ZNF718: variants seen among roughly 807,000 people sequenced by gnomAD.
ZNF718 encodes zinc finger protein 718.
In ZNF718, 3 loss-of-function variants were observed where a neutral mutation model predicts 2.6. The observed-to-expected ratio is 1.16, with a 90% confidence interval of 0.53 to 3.01. The LOEUF (loss-of-function observed/expected upper bound fraction) is 3.01. Among genes scored for constraint, ZNF718 ranks in the 30% most tolerant of loss-of-function variants. The pLI, the probability that ZNF718 is intolerant of heterozygous loss-of-function variation, is 0.03. For missense variants in ZNF718, 468 were observed against 230.0 expected (o/e 2.03, Z -6.69); for synonymous variants, 135 against 77.9 (o/e 1.73, Z -3.86).
downstream of ZNF718, among the ~76,000 whole-genome samples, chr4:166,077 A>G (rs1048882344): frequency 1.3e-5 from 2 of 151,924 alleles, no homozygotes; most frequent in African/African-American, 4.8e-5. Context: ...TTCAATTCCC[A>G]CCTATGAGTG....
In ZNF718 at chr4:158,468, G is replaced by C. The variant is rs367604018; in HGVS notation, c.227-2444G>C. On this transcript the variant is annotated intron_variant, in intron 3 of 3. Coordinates refer to ENST00000510175, the MANE Select transcript of ZNF718 (RefSeq NM_001039127.6). ...TTATTTTCTGTCTTTGTGTCTTTTT[G>C]ATTTTTGTATTGATAGGCCCTTACT... is the stretch of plus-strand genomic sequence containing the variant. Among the ~76,000 whole-genome samples, 7 of 136,936 alleles carry C rather than the reference G, an allele frequency of 5.1e-5. No individual in the cohort carries two copies. In the East Asian group the frequency reaches 1.3e-3, roughly 25 times the overall value. The allele number at this position is 136,936 out of a possible 152,430, so 89.8% of individuals were successfully genotyped here. A position where few individuals can be genotyped will look rare whatever the true frequency, so the allele number is the denominator to read the frequency against.
At chr4:129,428 C>G (rs1382689852) in intron 1 of ZNF718, among the ~76,000 whole-genome samples, 1 of 104,072 alleles carries the variant, frequency 9.6e-6, no homozygotes. Context: ...GGTCTTACCC[C>G]ACACTGAAAT....
At chr4:149,182 T>A (rs968860289) in intron 3 of ZNF718, among the ~76,000 whole-genome samples, 1 of 152,246 alleles carries the variant, frequency 6.6e-6, no homozygotes, top group South Asian at 2.1e-4. Context: ...TGATTTCAAA[T>A]TCAAAATTTC....
At chr4:182,320 A>G (rs1236137024) in intron 3 of ZNF718, among the ~76,000 whole-genome samples, 1 of 152,078 alleles carries the variant, frequency 6.6e-6, no homozygotes, top group African/African-American at 2.4e-5. Flanking sequence ...CAACCTTACC[A>G]GCATCTGTTG....
chr4:138,104 T>G lies in ZNF718; in HGVS notation c.226+6599T>G, dbSNP rs28854863. ...AAAATCATATCAGGGTAAATGGGTATTCATTACCTCAAGTGTTTATTCTTT... is the reference window on the plus strand; with the variant it reads ...AAAATCATATCAGGGTAAATGGGTAGTCATTACCTCAAGTGTTTATTCTTT... On this transcript the variant is annotated intron_variant, in intron 3 of 3. Coordinates refer to ENST00000510175, the MANE Select transcript of ZNF718 (RefSeq NM_001039127.6). Among the ~76,000 whole-genome samples, 1,454 of 152,344 alleles carry G rather than the reference T, an allele frequency of 9.5e-3. 26 individuals carry two copies. The highest frequency in any genetic ancestry group is 0.033 in the African/African-American group (1,378 of 41,576).
intron 3 of ZNF718, among the ~76,000 whole-genome samples, chr4:151,160 T>C (rs1224239089): frequency 6.6e-6 from 1 of 152,204 alleles, no homozygotes; most frequent in Non-Finnish European, 1.5e-5. Flanking sequence ...TGGAGTGTAG[T>C]GGTGTGATCT....
chr4:171,016 G>A (rs556511489), intron 3 of ZNF718, among the ~76,000 whole-genome samples: 2 of 152,252 alleles, frequency 1.3e-5, no homozygotes, highest in African/African-American at 4.8e-5. Context: ...ATGTACAGAT[G>A]GGGTTTTGGT....
At chr4:175,247 G>C (rs1163729089) in intron 3 of ZNF718, among the ~76,000 whole-genome samples, 2 of 152,194 alleles carry the variant, frequency 1.3e-5, no homozygotes, top group African/African-American at 4.8e-5. Flanking sequence ...TTAAAATCTG[G>C]AGAGATGGGT....
At chr4:138,768 T>G (rs918012285) in intron 3 of ZNF718, among the ~76,000 whole-genome samples, 1 of 152,168 alleles carries the variant, frequency 6.6e-6, no homozygotes, top group African/African-American at 2.4e-5. Flanking sequence ...AGTTCAACTT[T>G]CACTTTTCTC....
intron 3 of ZNF718, among the ~76,000 whole-genome samples, chr4:149,097 C>G (rs1458464145): frequency 1.3e-5 from 2 of 152,096 alleles, no homozygotes; most frequent in Non-Finnish European, 2.9e-5. Flanking sequence ...GGGTAGAGAA[C>G]CTCCTATTCT....
intron 3 of ZNF718, among the ~76,000 whole-genome samples, chr4:189,104 A>C (rs1717639750): frequency 7.4e-6 from 1 of 136,002 alleles, no homozygotes; most frequent in African/African-American, 2.8e-5. Flanking sequence ...CTTGTCACCC[A>C]GGCTGGAGTG....
chr4:181,134 A>ACAGGCCTGTGCCCCAGT (rs1717454229), intron 3 of ZNF718, among the ~76,000 whole-genome samples: 3 of 146,174 alleles, frequency 2.1e-5, no homozygotes, highest in African/African-American at 7.6e-5. Context: ...AGCTGGGACT[A>ACAGGCCTGTGCCCCAGT]CAGGCCTGTG....
intron 3 of ZNF718, among the ~76,000 whole-genome samples, chr4:173,534 C>T (rs1335583425): frequency 2.0e-5 from 3 of 152,148 alleles, no homozygotes; most frequent in African/African-American, 7.2e-5. Context: ...CCAATAGTTA[C>T]TATTTATACA....
chr4:152,796 T>A (rs1351461033), intron 3 of ZNF718, among the ~76,000 whole-genome samples: 1 of 152,076 alleles, frequency 6.6e-6, no homozygotes, highest in Non-Finnish European at 1.5e-5. Flanking sequence ...GTTATTTTTG[T>A]TTTAAGTTTG....
intron 3 of ZNF718, among the ~76,000 whole-genome samples, chr4:169,571 A>C (rs1296019886): frequency 2.0e-5 from 3 of 152,122 alleles, no homozygotes; most frequent in Non-Finnish European, 4.4e-5. Context: ...ATAGTTAGTT[A>C]TTCTTGTTGA....
At chr4:151,251 T>TA (rs1261107393) in intron 3 of ZNF718, among the ~76,000 whole-genome samples, 1 of 150,128 alleles carries the variant, frequency 6.7e-6, no homozygotes, top group Non-Finnish European at 1.5e-5. Flanking sequence ...TACAGGTGCA[T>TA]ACTGCCATGC....
intron 3 of ZNF718, among the ~76,000 whole-genome samples, chr4:145,768 T>TA (rs1259969780): frequency 3.9e-5 from 6 of 152,130 alleles, no homozygotes; most frequent in Admixed American, 2.0e-4. Flanking sequence ...CTTCTTTTTT[T>TA]AAAAAAACCA....
chr4:202,295 T>G (rs1553822897), exon 5 of ZNF718: 1 of 152,258 alleles, frequency 6.6e-6, no homozygotes, highest in African/African-American at 2.4e-5. Context: ...AACATCTTTT[T>G]CTTTATGCAT....
At chr4:156,600 C>G (rs1279253160) in intron 3 of ZNF718, among the ~76,000 whole-genome samples, 7 of 152,114 alleles carry the variant, frequency 4.6e-5, no homozygotes, top group Admixed American at 2.6e-4. Flanking sequence ...GCTAAAATCA[C>G]TCTACACATT....
Sources: gnomAD v4.1 joint callset for allele counts (sites outside exome capture counted in the v4.1 genomes callset) on GRCh38, gnomAD v4.1.1 for gene constraint, MANE v1.5 for transcripts, NCBI Gene and HGNC (gene_info 2026-07-23, HGNC 2026-07-21) for gene names.